MAST4: variants seen among roughly 807,000 people sequenced by gnomAD.
MAST4 encodes the protein microtubule associated serine/threonine kinase family member 4.
MAST4 carries 89 observed loss-of-function variants against 162.7 expected under a neutral mutation model. The ratio of observed to expected loss-of-function variants is 0.55; its 90% confidence interval spans 0.46 to 0.65. MAST4 has a LOEUF of 0.65. Among genes scored for constraint, MAST4 ranks in the 30% least tolerant of loss-of-function variants. The pLI is 0.00. For missense variants in MAST4, 3,153 were observed against 3,374.0 expected (o/e 0.93, Z 1.62); for synonymous variants, 1,479 against 1,361.1 (o/e 1.09, Z -1.91).
At position 67,048,396 on chromosome 5, in the gene MAST4, G is replaced by A. The variant is rs114963452; in HGVS notation, c.675-6008G>A. 8.0e-3 allele frequency among the ~76,000 whole-genome samples: 1,210 copies of A among 152,192 alleles called. 13 individuals carry two copies. The highest frequency in any genetic ancestry group is 0.027 in the African/African-American group (1,122 of 41,510). On this transcript the variant is annotated intron_variant, in intron 4 of 28. Transcript: ENST00000403625. ...TAATTCTGTAGACATTCATCCAAAAGTATAATTCATCCAAAAGTCAAAAAC... is the reference window on the plus strand; with the variant it reads ...TAATTCTGTAGACATTCATCCAAAAATATAATTCATCCAAAAGTCAAAAAC...
chr5:66,921,353 G>T (rs1764521789), intron 4 of MAST4, among the ~76,000 whole-genome samples: 1 of 152,130 alleles, frequency 6.6e-6, no homozygotes, highest in Non-Finnish European at 1.5e-5. Context: ...GACCTAATGA[G>T]GTGAGGTAAA....
At chr5:66,909,823 A>C (rs1181575387) in intron 4 of MAST4, among the ~76,000 whole-genome samples, 1 of 152,190 alleles carries the variant, frequency 6.6e-6, no homozygotes, top group Admixed American at 6.5e-5. Flanking sequence ...AGCTTCCCCC[A>C]CACCATTCTC....
At chr5:66,683,911 T>A (rs530240030) in intron 1 of MAST4, among the ~76,000 whole-genome samples, 15 of 152,204 alleles carry the variant, frequency 9.9e-5, no homozygotes, top group Admixed American at 5.2e-4. Flanking sequence ...AAGCATGTTC[T>A]TCAGGATGAA....
chr5:66,788,607 C>CCAAACAAAAAAAAAACAA, intron 2 of MAST4, 63 bp from the exon 3 acceptor site: 1 of 1,373,724 alleles, frequency 7.3e-7, no homozygotes, highest in Non-Finnish European at 1.0e-6. Context: ...CCCCCACCCC[C>CCAAACAAAAAAAAAACAA]ATTGCAATAA....
At chr5:67,009,594 G>A (rs1214884507) in intron 4 of MAST4, among the ~76,000 whole-genome samples, 1 of 152,208 alleles carries the variant, frequency 6.6e-6, no homozygotes, top group Non-Finnish European at 1.5e-5. Context: ...ATTCATATGT[G>A]TAAAATGCTT....
intron 1 of MAST4, among the ~76,000 whole-genome samples, chr5:66,633,970 A>G (rs1744943892): frequency 6.6e-6 from 1 of 152,202 alleles, no homozygotes; most frequent in Non-Finnish European, 1.5e-5. Flanking sequence ...CAGCTGCCTC[A>G]TTATGAGGAC....
intron 1 of MAST4, among the ~76,000 whole-genome samples, chr5:66,609,705 G>GTT (rs77135146): frequency 1.6e-4 from 17 of 106,756 alleles, no homozygotes; most frequent in East Asian, 5.1e-4. Context: ...TTTTTTTTTT[G>GTT]TTTTTTTTTT....
chr5:66,960,929 G>A (rs376656545), intron 4 of MAST4, among the ~76,000 whole-genome samples: 27 of 152,210 alleles, frequency 1.8e-4, no homozygotes, highest in African/African-American at 6.3e-4. Flanking sequence ...GGGGATCTTT[G>A]GATGTTGTTT....
At chr5:66,972,485 G>C (rs1268867960) in intron 4 of MAST4, among the ~76,000 whole-genome samples, 1 of 152,088 alleles carries the variant, frequency 6.6e-6, no homozygotes, top group African/African-American at 2.4e-5. Flanking sequence ...ATCAAGCTCT[G>C]AGTCAAAAGC....
At chr5:67,059,823 C>T (rs1226674561) in intron 5 of MAST4, among the ~76,000 whole-genome samples, 1 of 152,076 alleles carries the variant, frequency 6.6e-6, no homozygotes, top group African/African-American at 2.4e-5. Context: ...ATTTAGGTTA[C>T]AAAGAGACTT....
At chr5:66,613,321 C>CT (rs1743419900) in intron 1 of MAST4, among the ~76,000 whole-genome samples, 1 of 126,606 alleles carries the variant, frequency 7.9e-6, no homozygotes, top group Non-Finnish European at 1.7e-5. Flanking sequence ...ATCAGATAAC[C>CT]CTTTTTTTTT....
At chr5:66,915,416 C>T (rs1289435806) in intron 4 of MAST4, among the ~76,000 whole-genome samples, 9 of 151,970 alleles carry the variant, frequency 5.9e-5, no homozygotes, top group East Asian at 1.9e-4. Flanking sequence ...CTGTGGGACT[C>T]CTCTTTGGGG....
At position 66,664,509 on chromosome 5, in the gene MAST4, C is replaced by T. The variant is rs954187597; in HGVS notation, c.363+67491C>T. Among the ~76,000 whole-genome samples, 10 of 143,390 alleles carry T rather than the reference C, an allele frequency of 7.0e-5. No homozygotes were observed. The Admixed American group carries it at 7.1e-4, about 10-fold the overall frequency. 94.1% of individuals were successfully genotyped at this position (143,390 alleles called of 152,430 possible). ...CATATTAACTTTGATGATGGGCTTA[C>T]AAGACAGCCAAGTGTAGCTATCTAG... is the stretch of plus-strand genomic sequence containing the variant. On this transcript the variant is annotated intron_variant, in intron 1 of 28. Coordinates refer to ENST00000403625, the MANE Select transcript of MAST4 (RefSeq NM_001164664.2).
chr5:66,778,758 A>G (rs1754716897), intron 2 of MAST4, among the ~76,000 whole-genome samples: 1 of 152,188 alleles, frequency 6.6e-6, no homozygotes, highest in Non-Finnish European at 1.5e-5. Context: ...CATACCAAAA[A>G]TTATTCTTAA....
chr5:67,012,579 G>A (rs1752823257), intron 4 of MAST4, among the ~76,000 whole-genome samples: 1 of 152,150 alleles, frequency 6.6e-6, no homozygotes, highest in Admixed American at 6.5e-5. Flanking sequence ...GATGAAAGTA[G>A]ATACAAAGTG....
At chr5:67,145,462 A>T in intron 23 of MAST4, 83 bp downstream of exon 23, 1 of 1,156,826 alleles carries the variant, frequency 8.6e-7, no homozygotes, top group Non-Finnish European at 1.2e-6. Flanking sequence ...GGGCCTCGCC[A>T]GGCAGTAAAG....
chr5:66,754,944 G>A (rs903929751), intron 1 of MAST4, among the ~76,000 whole-genome samples: 2 of 152,192 alleles, frequency 1.3e-5, no homozygotes, highest in Non-Finnish European at 2.9e-5. Flanking sequence ...AAGGTCCTGG[G>A]TGGGAAGAGC....
intron 4 of MAST4, among the ~76,000 whole-genome samples, chr5:67,049,043 G>GTCTA (rs1491152523): frequency 1.8e-5 from 1 of 54,106 alleles, no homozygotes; most frequent in Non-Finnish European, 3.6e-5. Context: ...ATATATATAC[G>GTCTA]TGTATATATA....
intron 1 of MAST4, among the ~76,000 whole-genome samples, chr5:66,680,348 A>G (rs1748247720): frequency 2.6e-5 from 4 of 152,204 alleles, no homozygotes; most frequent in Admixed American, 2.6e-4. Context: ...AGCAGTTGCT[A>G]ACCCTGTATC....
Sources: allele counts gnomAD v4.1 joint callset (sites outside exome capture counted in the v4.1 genomes callset), GRCh38; gene constraint gnomAD v4.1.1; transcripts MANE v1.5; gene names NCBI Gene and HGNC (gene_info 2026-07-23, HGNC 2026-07-21).